Variants in MALRD1 observed in about 807,000 individuals in gnomAD.
MALRD1 encodes MAM and LDL-receptor class A domain-containing protein 1.
In MALRD1, 247 loss-of-function variants were observed where a neutral mutation model predicts 242.1. The ratio of observed to expected loss-of-function variants is 1.02; its 90% CI spans 0.92 to 1.13. The LOEUF is 1.13. Among genes scored for constraint, MALRD1 ranks in the 50% most tolerant of loss-of-function variants. MALRD1 has a pLI of 0.00. For synonymous variants in MALRD1, 995 were observed against 866.6 expected (o/e 1.15, Z -2.60); for missense variants, 2,989 against 2,533.1 (o/e 1.18, Z -3.86).
intron 7 of MALRD1, among the ~76,000 whole-genome samples, chr10:19,127,881 G>A (rs531533333): frequency 3.9e-5 from 6 of 152,156 alleles, no homozygotes; most frequent in Non-Finnish European, 7.4e-5. Flanking sequence ...ATTAAAAAAA[G>A]GATTGAATTG....
intron 21 of MALRD1, among the ~76,000 whole-genome samples, chr10:19,305,696 A>G (rs1032507624): frequency 2.0e-5 from 3 of 149,226 alleles, no homozygotes; most frequent in Non-Finnish European, 4.5e-5. Flanking sequence ...TCCTGATATT[A>G]TCTGTCCTCA....
At chr10:19,348,811 A>T (rs1369617855) in intron 25 of MALRD1, among the ~76,000 whole-genome samples, 1 of 152,222 alleles carries the variant, frequency 6.6e-6, no homozygotes. Context: ...AAGCACTCAG[A>T]GATCTCTTGC....
At chr10:19,315,720 G>A (rs1229022517) in intron 21 of MALRD1, among the ~76,000 whole-genome samples, 1 of 129,852 alleles carries the variant, frequency 7.7e-6, no homozygotes, top group African/African-American at 3.0e-5. Flanking sequence ...ATTATATATT[G>A]CATATTATAA....
At chr10:19,429,421 G>A (rs2483094) in intron 28 of MALRD1, among the ~76,000 whole-genome samples, 149,975 of 152,150 alleles carry the variant, frequency 0.99, 74,061 homozygotes, top group Middle Eastern at 1. Context: ...AAAATGAGCC[G>A]GGCGTGGTGG....
chr10:19,672,854 T>A (rs1841986990), intron 36 of MALRD1, among the ~76,000 whole-genome samples: 1 of 152,182 alleles, frequency 6.6e-6, no homozygotes, highest in Non-Finnish European at 1.5e-5. Context: ...CCAGAAAATA[T>A]CTTAAGAGAC....
chr10:19,292,809 T>A (rs2496059), intron 21 of MALRD1, among the ~76,000 whole-genome samples: 42,002 of 148,274 alleles, frequency 0.28, 6,072 homozygotes, highest in South Asian at 0.45. Context: ...AGGAGAATGG[T>A]GTGAACCTGG....
At chr10:19,100,268 A>G (rs1412589970) in intron 4 of MALRD1, among the ~76,000 whole-genome samples, 1 of 152,162 alleles carries the variant, frequency 6.6e-6, no homozygotes, top group Non-Finnish European at 1.5e-5. Flanking sequence ...CCTAAGAAAA[A>G]TGTTCCTTCC....
chr10:19,479,461 C>T (rs1210607486), intron 29 of MALRD1, among the ~76,000 whole-genome samples: 1 of 152,102 alleles, frequency 6.6e-6, no homozygotes, highest in Non-Finnish European at 1.5e-5. Flanking sequence ...GGTGCCAAAG[C>T]ATGTATTCTG....
chr10:19,463,320 T>C (rs1836037906), intron 29 of MALRD1, among the ~76,000 whole-genome samples: 1 of 152,048 alleles, frequency 6.6e-6, no homozygotes, highest in Non-Finnish European at 1.5e-5. Flanking sequence ...CCCTCATCTC[T>C]CTTCCACCTC....
intron 14 of MALRD1, among the ~76,000 whole-genome samples, chr10:19,199,135 T>G (rs1290703331): frequency 2.0e-5 from 3 of 152,100 alleles, no homozygotes; most frequent in African/African-American, 7.2e-5. Flanking sequence ...TTTGTCCTCC[T>G]TCATGCAACT....
intron 36 of MALRD1, among the ~76,000 whole-genome samples, chr10:19,660,999 G>C (rs189221680): frequency 2.2e-4 from 33 of 152,286 alleles, no homozygotes; most frequent in Admixed American, 2.0e-3. Flanking sequence ...CTTCTTGAAA[G>C]AAGACATTTA....
chr10:19,236,224 G>C (rs1838310637), intron 18 of MALRD1, among the ~76,000 whole-genome samples: 1 of 152,166 alleles, frequency 6.6e-6, no homozygotes, highest in Non-Finnish European at 1.5e-5. Flanking sequence ...TTTAGCCTCT[G>C]CTGTAGCAAT....
intron 1 of MALRD1, among the ~76,000 whole-genome samples, chr10:19,064,646 C>T (rs1411968126): frequency 2.0e-5 from 3 of 151,708 alleles, no homozygotes; most frequent in Non-Finnish European, 4.4e-5. Flanking sequence ...CAGCACACAC[C>T]TGTAATCCCA....
intron 7 of MALRD1, among the ~76,000 whole-genome samples, chr10:19,125,494 T>C (rs1175571365): frequency 6.6e-6 from 1 of 151,082 alleles, no homozygotes; most frequent in Non-Finnish European, 1.5e-5. Flanking sequence ...TGCTAACATA[T>C]TAATTTGTAT....
At chr10:19,234,629 C>A (rs1240726742) in intron 18 of MALRD1, among the ~76,000 whole-genome samples, 3 of 62,468 alleles carry the variant, frequency 4.8e-5, no homozygotes, top group East Asian at 7.1e-4. Context: ...GGGAGCTTAT[C>A]TTTAAAAAAA....
intron 24 of MALRD1, among the ~76,000 whole-genome samples, chr10:19,342,057 T>C (rs576070743): frequency 6.8e-4 from 104 of 152,228 alleles, no homozygotes; most frequent in Admixed American, 1.4e-3. Context: ...GGGACTGTGG[T>C]TTGAAGGTAT....
intron 34 of MALRD1, among the ~76,000 whole-genome samples, chr10:19,606,741 C>T (rs146566116): frequency 2.8e-4 from 42 of 152,168 alleles, no homozygotes; most frequent in Non-Finnish European, 4.4e-4. Context: ...AGGCCTGCAA[C>T]CCCGGCTTCT....
At chr10:19,574,468 T>C (rs1247153479) in intron 33 of MALRD1, among the ~76,000 whole-genome samples, 1 of 152,186 alleles carries the variant, frequency 6.6e-6, no homozygotes, top group Non-Finnish European at 1.5e-5. Context: ...TTGTTCTCAA[T>C]TTCATGTGTG....
intron 32 of MALRD1, among the ~76,000 whole-genome samples, chr10:19,543,189 A>G (rs1835053117): frequency 1.3e-5 from 2 of 152,180 alleles, no homozygotes; most frequent in African/African-American, 2.4e-5. Flanking sequence ...GGCTCAAGCA[A>G]TTCTCTGGCC....
Sources: gnomAD v4.1 joint callset for allele counts (sites outside exome capture counted in the v4.1 genomes callset) on GRCh38, gnomAD v4.1.1 for gene constraint, MANE v1.5 for transcripts, NCBI Gene and HGNC (gene_info 2026-07-23, HGNC 2026-07-21) for gene names.